The following ISX variants were observed in gnomAD, a reference collection of about 807,000 sequenced individuals.
The protein encoded by ISX is intestine-specific homeobox.
ISX carries 15 observed loss-of-function variants against 16.9 expected under a neutral mutation model. That is an observed-to-expected ratio of 0.89 (90% CI 0.59 to 1.36). ISX has a LOEUF of 1.36. Among genes scored for constraint, ISX ranks in the 40% most tolerant of loss-of-function variants. The pLI is 0.00. For missense variants in ISX, 316 were observed against 306.1 expected (o/e 1.03, Z -0.24); for synonymous variants, 125 against 119.7 (o/e 1.04, Z -0.29).
chr22:35,086,038 C>T lies in ISX; in HGVS notation c.*345C>T. ...CAGCCGGTCACTCACCCTCTCTGGA[C>T]CTCATCTGTAAGAGGAGCCAGCTGG... On this transcript the variant is annotated 3_prime_UTR_variant, in exon 5 of 5. Coordinates refer to ENST00000404699, the MANE Select transcript of ISX (RefSeq NM_001303508.2). 3 of 352,786 alleles carry T rather than the reference C, an allele frequency of 8.5e-6. No individual in the cohort carries two copies. The highest frequency in any genetic ancestry group is 1.6e-5 in the Non-Finnish European group (3 of 185,372). 21.9% of individuals were successfully genotyped at this position (352,786 alleles called of 1,614,324 possible). A position where few individuals can be genotyped will look rare whatever the true frequency, so the allele number is the denominator to read the frequency against.
At chr22:35,079,310 C>T (rs570354808) in intron 2 of ISX, among the ~76,000 whole-genome samples, 20 of 152,314 alleles carry the variant, frequency 1.3e-4, no homozygotes, top group African/African-American at 4.3e-4. Flanking sequence ...CTTCAGCTCA[C>T]GTCAGTCATC....
intron 2 of ISX, among the ~76,000 whole-genome samples, chr22:35,077,872 C>T (rs1929025778): frequency 6.6e-6 from 1 of 152,078 alleles, no homozygotes; most frequent in African/African-American, 2.4e-5. Flanking sequence ...AAAAGCTGCT[C>T]CTTTGGTTAC....
intron 2 of ISX, among the ~76,000 whole-genome samples, chr22:35,068,767 C>A (rs1928772271): frequency 6.6e-6 from 1 of 152,168 alleles, no homozygotes; most frequent in Non-Finnish European, 1.5e-5. Context: ...TAAGTGCTGA[C>A]CAGACTAGCG....
At position 35,067,745 on chromosome 22, in the gene ISX, C is replaced by T. The variant is rs1430628232; in HGVS notation, c.229+429C>T. On this transcript the variant is annotated intron_variant, in intron 2 of 4. Coordinates refer to ENST00000404699, the MANE Select transcript of ISX (RefSeq NM_001303508.2). ...AGCTGGTAAACAGAAGCCCCGCTAT[C>T]AGGACCTGGCTCTGACTCCCCCAAA... Among the ~76,000 whole-genome samples the T allele has an allele frequency of 3.3e-5, 5 of 152,218 alleles. No homozygotes were observed. In the South Asian group the frequency reaches 1.0e-3, roughly 32 times the overall value.
chr22:35,079,512 G>T (rs2146293076), intron 2 of ISX, among the ~76,000 whole-genome samples: 1 of 152,274 alleles, frequency 6.6e-6, no homozygotes, highest in Middle Eastern at 3.4e-3. Flanking sequence ...TCCCTACTCA[G>T]ATACAGTCCC....
At chr22:35,067,451 C>T in intron 2 of ISX, 135 bp downstream of exon 2, 1 of 650,202 alleles carries the variant, frequency 1.5e-6, no homozygotes, top group East Asian at 2.7e-5. Flanking sequence ...TGGCTCTGGG[C>T]TGGTTTCCTG....
chr22:35,072,730 T>G (rs1388528421), intron 2 of ISX, among the ~76,000 whole-genome samples: 1 of 152,198 alleles, frequency 6.6e-6, no homozygotes, highest in Non-Finnish European at 1.5e-5. Flanking sequence ...CCACTGAATA[T>G]CTACTGCGTG....
At position 35,085,451 on chromosome 22, in the gene ISX, C is replaced by A. The variant is rs763527568; in HGVS notation, c.499-3C>A. ...TCTCTCTCCTGACCTCTCCTTGTGA[C>A]AGGGGCCCACGTGGACATCCACTGC... On this transcript the variant is annotated splice_polypyrimidine_tract_variant and splice_region_variant and intron_variant, in intron 4 of 4. Transcript: ENST00000404699. The A allele has an allele frequency of 6.2e-7, 1 of 1,614,190 alleles. No individual in the cohort carries two copies. The highest frequency in any genetic ancestry group is 8.5e-7 in the Non-Finnish European group (1 of 1,180,028).
rs1929268350 is a variant in ISX at position 35,086,855 on chromosome 22, G to A, written c.*1162G>A. On this transcript the variant is annotated 3_prime_UTR_variant, in exon 5 of 5. Transcript: ENST00000404699. ...GATGTCTCTGATTCTTGTCCTTGCA[G>A]GTGGAGGACAGGGCCTGCTCCCCTA... 2 of 152,240 alleles carry A rather than the reference G, an allele frequency of 1.3e-5. No homozygotes were observed. Among genetic ancestry groups the A allele is most frequent in the South Asian group, 4.1e-4 (2 of 4,834 alleles). The allele number at this position is 152,240 out of a possible 1,614,324, so 9.4% of individuals were successfully genotyped here.
intron 2 of ISX, among the ~76,000 whole-genome samples, chr22:35,073,498 T>C (rs1460026249): frequency 6.6e-6 from 1 of 152,222 alleles, no homozygotes; most frequent in Non-Finnish European, 1.5e-5. Context: ...ATGCTGCCAC[T>C]GATCTGACAG....
chr22:35,082,755 G>A (rs750143661), intron 3 of ISX, 86 bp downstream of exon 3: 397 of 1,431,938 alleles, frequency 2.8e-4, no homozygotes, highest in Non-Finnish European at 3.6e-4. Flanking sequence ...TTTTCGGGTT[G>A]CCCCATCTAA....
At chr22:35,069,199 CATTTATT>C (rs1928786381) in intron 2 of ISX, among the ~76,000 whole-genome samples, 1 of 152,164 alleles carries the variant, frequency 6.6e-6, no homozygotes, top group Non-Finnish European at 1.5e-5. Flanking sequence ...TTTTAAAATA[CATTTATT>C]ATTTGAGTCA....
chr22:35,071,047 G>A (rs1928838902), intron 2 of ISX, among the ~76,000 whole-genome samples: 1 of 152,192 alleles, frequency 6.6e-6, no homozygotes, highest in Non-Finnish European at 1.5e-5. Flanking sequence ...TCAAGGACAT[G>A]ACCCTGACAC....
chr22:35,084,437 C>G lies in ISX; in HGVS notation c.436C>G (p.Leu146Val). 6.2e-7 allele frequency: 1 copy of G among 1,613,826 alleles called. No individual in the cohort carries two copies. Residue 146 changes from leucine (L) to valine (V), a missense_variant, in exon 4 of 5, where the codon CTG (leucine) becomes GTG (valine). Coordinates refer to ENST00000404699, the MANE Select transcript of ISX (RefSeq NM_001303508.2). ...GCGGAAGCAGGAGAAGATTGGCAAC[C>G]TGGGGGCTCCACAGCAGCTGAGTGA... ...KWRKQEKIGN[L>V]GAPQQLSEAS...
chr22:35,080,816 C>A (rs1929107475), intron 2 of ISX, among the ~76,000 whole-genome samples: 1 of 152,244 alleles, frequency 6.6e-6, no homozygotes. Flanking sequence ...GAGGGCAGGG[C>A]AGTTCCCAGG....
intron 2 of ISX, among the ~76,000 whole-genome samples, chr22:35,075,659 G>A (rs1188641609): frequency 6.6e-6 from 1 of 152,078 alleles, no homozygotes; most frequent in Non-Finnish European, 1.5e-5. Context: ...GGTATGTGTG[G>A]GTGTGTGGTG....
intron 2 of ISX, among the ~76,000 whole-genome samples, chr22:35,072,440 C>G (rs1928879827): frequency 1.3e-5 from 2 of 152,220 alleles, no homozygotes; most frequent in African/African-American, 4.8e-5. Context: ...CTATGAGTAA[C>G]TGAAGCTCAA....
chr22:35,067,450 G>A, intron 2 of ISX, 134 bp downstream of exon 2: 1 of 657,204 alleles, frequency 1.5e-6, no homozygotes, highest in Non-Finnish European at 2.6e-6. Context: ...CTGGCTCTGG[G>A]CTGGTTTCCT....
At chr22:35,074,376 T>C (rs1158569158) in intron 2 of ISX, among the ~76,000 whole-genome samples, 3 of 152,214 alleles carry the variant, frequency 2.0e-5, no homozygotes, top group Non-Finnish European at 4.4e-5. Context: ...CCCTTCTACT[T>C]CACTGTTCCA....
Sources: gnomAD v4.1 joint callset for allele counts (sites outside exome capture counted in the v4.1 genomes callset) on GRCh38, gnomAD v4.1.1 for gene constraint, MANE v1.5 for transcripts, NCBI Gene and HGNC (gene_info 2026-07-23, HGNC 2026-07-21) for gene names.